The following GPC6 variants were observed in gnomAD, a reference collection of about 807,000 sequenced individuals.
GPC6 encodes glypican 6.
GPC6 carries 14 observed loss-of-function variants against 55.2 expected under a neutral mutation model. The ratio of observed to expected loss-of-function variants is 0.25; its 90% CI spans 0.17 to 0.40. The LOEUF is 0.40. Among genes scored for constraint, GPC6 ranks in the 10% least tolerant of loss-of-function variants. The pLI, the probability that GPC6 is intolerant of heterozygous loss-of-function variation, is 1.00. For missense variants in GPC6, 641 were observed against 708.5 expected (o/e 0.90, Z 1.08); for synonymous variants, 278 against 259.6 (o/e 1.07, Z -0.68).
At chr13:93,870,077 C>T (rs1889083641) in intron 3 of GPC6, among the ~76,000 whole-genome samples, 1 of 151,838 alleles carries the variant, frequency 6.6e-6, no homozygotes, top group Non-Finnish European at 1.5e-5. Context: ...GAATCCTTAA[C>T]TGCCTCCCAA....
At chr13:93,953,508 G>A (rs1050822929) in intron 3 of GPC6, among the ~76,000 whole-genome samples, 1 of 152,018 alleles carries the variant, frequency 6.6e-6, no homozygotes, top group African/African-American at 2.4e-5. Context: ...TTATTTTTCT[G>A]TATTTGTTTC....
intron 3 of GPC6, among the ~76,000 whole-genome samples, chr13:94,004,890 C>T (rs1027142477): frequency 6.6e-6 from 1 of 152,028 alleles, no homozygotes; most frequent in East Asian, 1.9e-4. Flanking sequence ...GGTGAAACAC[C>T]GTCTCCACTA....
At chr13:94,080,906 A>G (rs1885074899) in intron 4 of GPC6, among the ~76,000 whole-genome samples, 1 of 152,220 alleles carries the variant, frequency 6.6e-6, no homozygotes, top group South Asian at 2.1e-4. Flanking sequence ...CCAAAGGGGA[A>G]GTATTTCACC....
intron 2 of GPC6, among the ~76,000 whole-genome samples, chr13:93,594,013 G>T (rs1455309169): frequency 5.3e-5 from 8 of 152,028 alleles, no homozygotes. Flanking sequence ...TTGTATGTAT[G>T]TGTTCACATC....
At chr13:94,350,395 CCAAGGGTCAAAACTA>C (rs1243722147) in intron 6 of GPC6, among the ~76,000 whole-genome samples, 1 of 151,988 alleles carries the variant, frequency 6.6e-6, no homozygotes, top group Non-Finnish European at 1.5e-5. Flanking sequence ...CAATATGCAC[CCAAGGGTCAAAACTA>C]CTGTGCTGGA....
intron 1 of GPC6, among the ~76,000 whole-genome samples, chr13:93,449,370 C>G (rs974685852): frequency 5.9e-5 from 9 of 152,128 alleles, no homozygotes; most frequent in African/African-American, 2.2e-4. Context: ...CAGGTGGGCA[C>G]CCTGTCATGG....
chr13:93,840,062 T>C (rs1256179707), intron 3 of GPC6, among the ~76,000 whole-genome samples: 1 of 152,182 alleles, frequency 6.6e-6, no homozygotes, highest in Non-Finnish European at 1.5e-5. Context: ...TTCTTTGATA[T>C]CTGGTAGAAT....
intron 2 of GPC6, among the ~76,000 whole-genome samples, chr13:93,567,652 T>C (rs550241596): frequency 9.2e-5 from 14 of 152,252 alleles, no homozygotes; most frequent in African/African-American, 3.4e-4. Context: ...AGATATTTTA[T>C]ATTCAAAACA....
chr13:93,344,718 C>T (rs1169750621), intron 1 of GPC6, among the ~76,000 whole-genome samples: 1 of 152,142 alleles, frequency 6.6e-6, no homozygotes, highest in Non-Finnish European at 1.5e-5. Context: ...ATATTTTCAC[C>T]TCATTGCTCT....
intron 3 of GPC6, among the ~76,000 whole-genome samples, chr13:93,930,089 G>A (rs1215393157): frequency 6.6e-6 from 1 of 151,858 alleles, no homozygotes; most frequent in Non-Finnish European, 1.5e-5. Flanking sequence ...AACACACACT[G>A]CTTTGGCCCA....
intron 4 of GPC6, among the ~76,000 whole-genome samples, chr13:94,068,254 C>G (rs370341599): frequency 6.6e-6 from 1 of 151,170 alleles, no homozygotes; most frequent in African/African-American, 2.4e-5. Flanking sequence ...TGTAGGGAAA[C>G]TCCAGTTTTT....
intron 4 of GPC6, among the ~76,000 whole-genome samples, chr13:94,258,627 G>T (rs931026839): frequency 2.0e-5 from 3 of 152,062 alleles, no homozygotes; most frequent in African/African-American, 4.8e-5. Flanking sequence ...GTATCTTCAC[G>T]CATTCAGCAA....
At chr13:93,701,352 A>G (rs1232073900) in intron 2 of GPC6, among the ~76,000 whole-genome samples, 4 of 152,052 alleles carry the variant, frequency 2.6e-5, no homozygotes, top group Non-Finnish European at 5.9e-5. Context: ...TGTGTGTAAT[A>G]GCATTATGGA....
intron 4 of GPC6, among the ~76,000 whole-genome samples, chr13:94,207,889 G>T (rs1361638248): frequency 2.6e-5 from 4 of 152,086 alleles, no homozygotes; most frequent in Admixed American, 2.0e-4. Context: ...ATTTACTTTT[G>T]CACCAACCTT....
intron 7 of GPC6, among the ~76,000 whole-genome samples, chr13:94,385,370 G>T (rs1487542639): frequency 2.0e-5 from 3 of 152,170 alleles, no homozygotes; most frequent in African/African-American, 4.8e-5. Flanking sequence ...CACTGGTAGA[G>T]AAACACCTGG....
chr13:93,999,556 T>C (rs1003506723), intron 3 of GPC6, among the ~76,000 whole-genome samples: 2 of 152,230 alleles, frequency 1.3e-5, no homozygotes, highest in African/African-American at 4.8e-5. Context: ...ATTAGTCTTT[T>C]GTGCCTGGGT....
In GPC6 at chr13:94,398,585, T is replaced by C. The variant is rs1435967588; in HGVS notation, c.1409T>C (p.Met470Thr). Residue 470 changes from methionine to threonine, a missense_variant, in exon 8 of 9, where the codon ATG (methionine) becomes ACG (threonine). By Grantham distance (81) the Met-to-Thr change is moderately conservative (BLOSUM62 -1). Transcript: ENST00000377047. ...IRQQIMALRVMTNKLKNAYNG... is the reference protein window; with the variant it reads ...IRQQIMALRVTTNKLKNAYNG... ...CAGCAGATTATGGCTCTCCGTGTGA[T>C]GACCAACAAACTAAAAAACGCCTAC... The C allele has an allele frequency of 2.5e-6, 4 of 1,614,046 alleles. No individual in the cohort carries two copies. The African/African-American group carries it at 5.3e-5, about 22-fold the overall frequency.
intron 3 of GPC6, among the ~76,000 whole-genome samples, chr13:93,896,531 T>A (rs1316129420): frequency 2.0e-5 from 3 of 152,092 alleles, no homozygotes; most frequent in Non-Finnish European, 4.4e-5. Flanking sequence ...AATTGTTTTT[T>A]GTCCAGAAAT....
intron 1 of GPC6, among the ~76,000 whole-genome samples, chr13:93,543,099 G>A (rs574625094): frequency 4.8e-4 from 71 of 149,300 alleles, no homozygotes; most frequent in Non-Finnish European, 9.3e-4. Context: ...CCTGTCTTGT[G>A]CCAGTTTTCA....
Sources: allele counts gnomAD v4.1 joint callset (sites outside exome capture counted in the v4.1 genomes callset), GRCh38; gene constraint gnomAD v4.1.1; transcripts MANE v1.5; gene names NCBI Gene and HGNC (gene_info 2026-07-23, HGNC 2026-07-21).